Variants in PPP6R3 observed in about 807,000 individuals in gnomAD.
PPP6R3 encodes the protein protein phosphatase 6 regulatory subunit 3, also known as serine/threonine-protein phosphatase 6 regulatory subunit 3.
In PPP6R3, 38 loss-of-function variants were observed where a neutral mutation model predicts 110.7. That is an observed-to-expected ratio of 0.34 (90% CI 0.26 to 0.45). PPP6R3 has a LOEUF of 0.45. Among genes scored for constraint, PPP6R3 ranks in the 20% least tolerant of loss-of-function variants. The probability of loss-of-function intolerance (pLI) is 1.00; values close to 1 mark genes in which losing one functional copy is unlikely to be tolerated. For synonymous variants in PPP6R3, 369 were observed against 373.5 expected (o/e 0.99, Z 0.14); for missense variants, 870 against 1,062.4 (o/e 0.82, Z 2.52).
chr11:68,573,116 A>T lies in PPP6R3; in HGVS notation c.1344-993A>T, dbSNP rs1036021326. Among the ~76,000 whole-genome samples, 21 of 21,886 alleles carry T rather than the reference A, an allele frequency of 9.6e-4. No homozygotes were observed. The East Asian group carries it at 0.027, about 28-fold the overall frequency. 14.4% of individuals were successfully genotyped at this position (21,886 alleles called of 152,430 possible). A position where few individuals can be genotyped will look rare whatever the true frequency, so the allele number is the denominator to read the frequency against. On this transcript the variant is annotated intron_variant, in intron 12 of 23. Transcript: ENST00000393800. ...AGATTAATATGAGTTTACTTATTTT[A>T]TATATATATATATATATATATATAT...
intron 6 of PPP6R3, 37 bp downstream of exon 6, chr11:68,551,223 A>G: frequency 6.7e-7 from 1 of 1,494,064 alleles, no homozygotes; most frequent in Non-Finnish European, 9.2e-7. Context: ...TTGATTAGAA[A>G]AAAAAAACAA....
intron 2 of PPP6R3, among the ~76,000 whole-genome samples, chr11:68,528,486 A>G (rs775308609): frequency 4.6e-5 from 7 of 151,986 alleles, no homozygotes; most frequent in Non-Finnish European, 7.4e-5. Context: ...GAATGGAGAA[A>G]CAGCTACTGC....
intron 12 of PPP6R3, among the ~76,000 whole-genome samples, chr11:68,573,141 TA>T (rs2099515966): frequency 8.5e-6 from 1 of 117,554 alleles, no homozygotes; most frequent in Non-Finnish European, 1.7e-5. Flanking sequence ...TATATATATA[TA>T]TATATATATA....
chr11:68,588,612 C>T (rs951838241), intron 16 of PPP6R3, among the ~76,000 whole-genome samples: 1 of 151,654 alleles, frequency 6.6e-6, no homozygotes, highest in Non-Finnish European at 1.5e-5. Flanking sequence ...TACCCGCCAC[C>T]GCACCTGGCT....
chr11:68,583,153 T>C, intron 15 of PPP6R3, 24 bp downstream of exon 15: 1 of 1,476,382 alleles, frequency 6.8e-7, no homozygotes, highest in Non-Finnish European at 9.1e-7. Context: ...AAAGCTTTGC[T>C]TTTTGTTTTT....
intron 19 of PPP6R3, among the ~76,000 whole-genome samples, chr11:68,599,171 C>T (rs2099622899): frequency 6.7e-6 from 1 of 149,900 alleles, no homozygotes; most frequent in African/African-American, 2.5e-5. Flanking sequence ...AGCATTCCTT[C>T]CTGCAACCTA....
chr11:68,503,241 C>A (rs1051687068), intron 1 of PPP6R3, among the ~76,000 whole-genome samples: 1 of 152,208 alleles, frequency 6.6e-6, no homozygotes, highest in African/African-American at 2.4e-5. Context: ...CGTGCCCGGC[C>A]TGGAGAAGAA....
chr11:68,552,869 CA>C (rs1419196158), intron 6 of PPP6R3, among the ~76,000 whole-genome samples: 4 of 152,220 alleles, frequency 2.6e-5, no homozygotes, highest in Non-Finnish European at 5.9e-5. Flanking sequence ...TCCAATTCTG[CA>C]ACAAGTTTTT....
intron 7 of PPP6R3, among the ~76,000 whole-genome samples, chr11:68,555,436 A>G (rs935604908): frequency 2.6e-5 from 4 of 152,166 alleles, no homozygotes; most frequent in Admixed American, 1.3e-4. Flanking sequence ...TTTTTGCCCA[A>G]AGTCTTGGAA....
At chr11:68,503,237 C>T (rs921799701) in intron 1 of PPP6R3, among the ~76,000 whole-genome samples, 5 of 152,212 alleles carry the variant, frequency 3.3e-5, no homozygotes, top group East Asian at 1.9e-4. Flanking sequence ...CCACCGTGCC[C>T]GGCCTGGAGA....
chr11:68,576,110 G>A, intron 14 of PPP6R3, 67 bp downstream of exon 14: 1 of 1,202,056 alleles, frequency 8.3e-7, no homozygotes, highest in East Asian at 2.5e-5. Context: ...TATTCAGAAA[G>A]ATGTAAAAGA....
chr11:68,553,206 A>G (rs1046028108), intron 6 of PPP6R3, among the ~76,000 whole-genome samples: 7 of 152,150 alleles, frequency 4.6e-5, no homozygotes, highest in African/African-American at 1.4e-4. Context: ...CTGAGATTTT[A>G]GAGCTTTTCT....
intron 2 of PPP6R3, among the ~76,000 whole-genome samples, chr11:68,537,162 A>G (rs577431523): frequency 6.6e-6 from 1 of 152,322 alleles, no homozygotes; most frequent in East Asian, 1.9e-4. Context: ...TTCAGTTTTT[A>G]GTAGTATATT....
chr11:68,588,116 C>T, intron 16 of PPP6R3, 92 bp downstream of exon 16: 2 of 1,155,110 alleles, frequency 1.7e-6, no homozygotes, highest in Non-Finnish European at 2.6e-6. Flanking sequence ...TAGTCTTGAG[C>T]ATTCGTGAGT....
chr11:68,558,590 A>G lies in PPP6R3; in HGVS notation c.756A>G (p.Leu252=). Reference sequence around the variant, plus strand: ...GGCAAGAAATTATAGAGCAGCTTCTATCAAATATTTTCCACAAGGAGAAAA... The same window carrying G: ...GGCAAGAAATTATAGAGCAGCTTCTGTCAAATATTTTCCACAAGGAGAAAA... The part of the protein sequence containing the change: ...LEKQEIIEQL[L]SNIFHKEKNE... Residue 252 remains leucine, a synonymous_variant, in exon 8 of 24, where the codon CTA becomes CTG. Coordinates refer to ENST00000393800, the MANE Select transcript of PPP6R3 (RefSeq NM_001164161.2). 6.2e-7 allele frequency: 1 copy of G among 1,613,110 alleles called. No individual in the cohort carries two copies. The highest frequency in any genetic ancestry group is 8.5e-7 in the Non-Finnish European group (1 of 1,179,362).
intron 3 of PPP6R3, among the ~76,000 whole-genome samples, chr11:68,539,596 A>G (rs1205737039): frequency 6.6e-6 from 1 of 152,182 alleles, no homozygotes; most frequent in Non-Finnish European, 1.5e-5. Context: ...CATATCTTGG[A>G]TGATGCCACA....
intron 18 of PPP6R3, among the ~76,000 whole-genome samples, chr11:68,594,532 A>G (rs970468726): frequency 2.6e-5 from 4 of 152,200 alleles, no homozygotes; most frequent in Admixed American, 2.0e-4. Context: ...TGTAGGGACA[A>G]ATCTCACAAA....
At chr11:68,499,093 G>A (rs1233340949) in intron 1 of PPP6R3, among the ~76,000 whole-genome samples, 1 of 151,896 alleles carries the variant, frequency 6.6e-6, no homozygotes, top group Non-Finnish European at 1.5e-5. Flanking sequence ...TGAAACATAT[G>A]TTTAAGCCTT....
At chr11:68,570,701 T>C (rs1470817544) in intron 11 of PPP6R3, among the ~76,000 whole-genome samples, 20 of 152,260 alleles carry the variant, frequency 1.3e-4, no homozygotes, top group Non-Finnish European at 4.4e-5. Flanking sequence ...TAGTTTTCTT[T>C]ATTCCATTTT....
Sources: gnomAD v4.1 joint callset for allele counts (sites outside exome capture counted in the v4.1 genomes callset) on GRCh38, gnomAD v4.1.1 for gene constraint, MANE v1.5 for transcripts, NCBI Gene and HGNC (gene_info 2026-07-23, HGNC 2026-07-21) for gene names.